The following GPC6 variants were observed in gnomAD, a reference collection of about 807,000 sequenced individuals.
The protein encoded by GPC6 is glypican 6, also known as glypican-6.
GPC6 carries 14 observed loss-of-function variants against 55.2 expected under a neutral mutation model. The observed-to-expected ratio is 0.25, with a 90% CI of 0.17 to 0.40. The LOEUF is 0.40. Among genes scored for constraint, GPC6 ranks in the 10% least tolerant of loss-of-function variants. The probability of loss-of-function intolerance (pLI) is 1.00; values close to 1 mark genes in which losing one functional copy is unlikely to be tolerated. For synonymous variants in GPC6, 278 were observed against 259.6 expected (o/e 1.07, Z -0.68); for missense variants, 641 against 708.5 (o/e 0.90, Z 1.08).
At chr13:93,348,039 C>T (rs1880489043) in intron 1 of GPC6, among the ~76,000 whole-genome samples, 1 of 152,160 alleles carries the variant, frequency 6.6e-6, no homozygotes, top group African/African-American at 2.4e-5. Flanking sequence ...TACTGCACAA[C>T]ATTTTTCACC....
At chr13:94,215,469 A>G (rs1890199302) in intron 4 of GPC6, among the ~76,000 whole-genome samples, 1 of 152,222 alleles carries the variant, frequency 6.6e-6, no homozygotes, top group Admixed American at 6.5e-5. Flanking sequence ...TGATATACAT[A>G]TGAAGCAAAA....
chr13:93,544,398 GC>G (rs1874645189), intron 1 of GPC6, among the ~76,000 whole-genome samples: 3 of 152,234 alleles, frequency 2.0e-5, no homozygotes, highest in Admixed American at 2.0e-4. Flanking sequence ...GACTTTAATA[GC>G]AGGAGCAATT....
intron 2 of GPC6, among the ~76,000 whole-genome samples, chr13:93,710,599 T>A (rs1473143767): frequency 6.6e-6 from 1 of 151,776 alleles, no homozygotes; most frequent in Non-Finnish European, 1.5e-5. Flanking sequence ...CTCCTATAAG[T>A]TATCATTCTA....
At chr13:94,263,882 G>A (rs1006234485) in intron 4 of GPC6, among the ~76,000 whole-genome samples, 3 of 152,194 alleles carry the variant, frequency 2.0e-5, no homozygotes, top group African/African-American at 7.2e-5. Flanking sequence ...AAAAGACACA[G>A]GTGGAAGATG....
chr13:93,422,429 T>C (rs188483760), intron 1 of GPC6, among the ~76,000 whole-genome samples: 3 of 152,318 alleles, frequency 2.0e-5, no homozygotes, highest in Admixed American at 2.0e-4. Flanking sequence ...TCGGATAGTT[T>C]CTTTGCCACT....
intron 2 of GPC6, among the ~76,000 whole-genome samples, chr13:93,694,011 A>G (rs1397640707): frequency 2.6e-5 from 4 of 152,216 alleles, no homozygotes; most frequent in Non-Finnish European, 5.9e-5. Context: ...TTAAAACTCT[A>G]TACAACTCTC....
intron 2 of GPC6, among the ~76,000 whole-genome samples, chr13:93,606,130 C>G (rs1878227959): frequency 6.6e-6 from 1 of 152,074 alleles, no homozygotes; most frequent in Non-Finnish European, 1.5e-5. Flanking sequence ...TTACTTTGTA[C>G]TTGTCAAGTC....
intron 4 of GPC6, among the ~76,000 whole-genome samples, chr13:94,266,565 C>G (rs1312924529): frequency 7.1e-6 from 1 of 141,840 alleles, no homozygotes; most frequent in Non-Finnish European, 1.5e-5. Context: ...TTCTTCTCTA[C>G]TTAACTGACT....
rs538605037 is a variant in GPC6, at chr13:93,310,875, C to G, written c.160+83259C>G. Among the ~76,000 whole-genome samples the G allele has an allele frequency of 3.6e-3, 541 of 152,296 alleles. 3 individuals carry two copies. Among genetic ancestry groups the G allele is most frequent in the Non-Finnish European group, 5.9e-3 (404 of 68,012 alleles). On this transcript the variant is annotated intron_variant, in intron 1 of 8. Coordinates refer to ENST00000377047, the MANE Select transcript of GPC6 (RefSeq NM_005708.5). ...TGTCTTCTCATCTTCCTCGCCTAAG[C>G]ATTTACCTTCTAACTACTACTATTT...
chr13:94,383,005 C>T (rs185437940), intron 7 of GPC6, among the ~76,000 whole-genome samples: 2 of 152,058 alleles, frequency 1.3e-5, no homozygotes. Flanking sequence ...GGCAACGTAA[C>T]AGAAAATGTC....
At chr13:94,191,611 A>G (rs1437574819) in intron 4 of GPC6, among the ~76,000 whole-genome samples, 1 of 88,590 alleles carries the variant, frequency 1.1e-5, no homozygotes, top group African/African-American at 7.8e-5. Flanking sequence ...TTAAGCTGGA[A>G]AAAAAAAAAA....
chr13:94,057,058 G>A (rs1444063083), intron 4 of GPC6, among the ~76,000 whole-genome samples: 2 of 152,126 alleles, frequency 1.3e-5, no homozygotes, highest in East Asian at 3.9e-4. Flanking sequence ...AGTTGTAAGG[G>A]TTTTTTAAAA....
chr13:93,497,347 C>T (rs1880343308), intron 1 of GPC6, among the ~76,000 whole-genome samples: 1 of 152,106 alleles, frequency 6.6e-6, no homozygotes. Context: ...GCTCAGGGAG[C>T]AGCCAGGGGC....
At chr13:93,677,817 A>C (rs1034690050) in intron 2 of GPC6, among the ~76,000 whole-genome samples, 1 of 152,190 alleles carries the variant, frequency 6.6e-6, no homozygotes, top group African/African-American at 2.4e-5. Context: ...TCTATAAAGC[A>C]TATCAACTTG....
At chr13:93,588,834 A>G (rs2389009) in intron 2 of GPC6, among the ~76,000 whole-genome samples, 137,806 of 152,166 alleles carry the variant, frequency 0.91, 62,610 homozygotes, top group African/African-American at 0.97. Flanking sequence ...GATTTGGTGG[A>G]GGGACAAGTA....
intron 3 of GPC6, among the ~76,000 whole-genome samples, chr13:93,880,972 T>G (rs116298960): frequency 3.3e-5 from 5 of 151,958 alleles, no homozygotes; most frequent in Non-Finnish European, 7.4e-5. Flanking sequence ...GTCAACAGTA[T>G]AAAAATCCAC....
intron 2 of GPC6, among the ~76,000 whole-genome samples, chr13:93,556,290 G>A (rs1286637689): frequency 6.7e-6 from 1 of 149,766 alleles, no homozygotes; most frequent in Non-Finnish European, 1.5e-5. Context: ...TTAATTTTTG[G>A]GTTACTTTTT....
At chr13:94,107,879 T>A (rs566310362) in intron 4 of GPC6, among the ~76,000 whole-genome samples, 15 of 151,986 alleles carry the variant, frequency 9.9e-5, no homozygotes, top group African/African-American at 2.7e-4. Context: ...ATAAAAAAAA[T>A]TTTAAAAAAT....
At chr13:93,832,145 A>ATATAT (rs71272209) in intron 3 of GPC6, among the ~76,000 whole-genome samples, 3 of 117,482 alleles carry the variant, frequency 2.6e-5, no homozygotes, top group South Asian at 3.0e-4. Flanking sequence ...ATATATATAT[A>ATATAT]ATGTCCTTAC....
Sources: gnomAD v4.1 joint callset for allele counts (sites outside exome capture counted in the v4.1 genomes callset) on GRCh38, gnomAD v4.1.1 for gene constraint, MANE v1.5 for transcripts, NCBI Gene and HGNC (gene_info 2026-07-23, HGNC 2026-07-21) for gene names.